The following SHTN1 variants were observed in gnomAD, a reference collection of about 807,000 sequenced individuals.
SHTN1 encodes shootin-1.
SHTN1 carries 42 observed loss-of-function variants against 83.1 expected under a neutral mutation model. The ratio of observed to expected loss-of-function variants is 0.51; its 90% CI spans 0.39 to 0.65. The LOEUF (loss-of-function observed/expected upper bound fraction) is 0.65. SHTN1 is among the 30% of genes least tolerant of loss of function. The pLI is 0.00. For missense variants in SHTN1, 622 were observed against 737.8 expected, an observed-to-expected ratio of 0.84 and a Z score of 1.82; for synonymous variants, 224 against 247.7, an observed-to-expected ratio of 0.90 and a Z score of 0.90.
chr10:116,926,377 T>C (rs1589813073), intron 11 of SHTN1, among the ~76,000 whole-genome samples: 1 of 152,312 alleles, frequency 6.6e-6, no homozygotes, highest in South Asian at 2.1e-4. Flanking sequence ...TTTCCAATTT[T>C]AAATGTCAAA....
In SHTN1 at chr10:117,074,310, G is replaced by A. The variant is rs575388456; in HGVS notation, c.-188-25800C>T. The stretch of plus-strand genomic sequence containing the variant: ...GTGACAGGGTGCACTCCTTGGAAAC[G>A]TTTCATGTTTAATAACAAATTCATA... On this transcript the variant is annotated intron_variant, in intron 1 of 17. Transcript: ENST00000392901. Among the ~76,000 whole-genome samples, 7 of 152,154 alleles carry A rather than the reference G, an allele frequency of 4.6e-5. No individual in the cohort carries two copies. The East Asian group carries it at 1.2e-3, about 25-fold the overall frequency.
intron 11 of SHTN1, among the ~76,000 whole-genome samples, chr10:116,926,610 T>C (rs913752802): frequency 6.6e-6 from 1 of 152,068 alleles, no homozygotes; most frequent in Non-Finnish European, 1.5e-5. Context: ...GGGAGGAACA[T>C]GCTACGCATT....
At chr10:117,005,558 G>C (rs1426743647), upstream of SHTN1, 1 of 1,000,758 alleles carries the variant, frequency 1.0e-6, no homozygotes, top group African/African-American at 1.7e-5. Context: ...AAGAACCACA[G>C]AGGTAGAGCG....
chr10:116,980,955 A>C (rs1850993061), intron 1 of SHTN1, among the ~76,000 whole-genome samples: 1 of 152,254 alleles, frequency 6.6e-6, no homozygotes, highest in South Asian at 2.1e-4. Flanking sequence ...GCCACATCCC[A>C]AAATAATCCT....
chr10:116,923,296 A>C (rs907002277), intron 11 of SHTN1, among the ~76,000 whole-genome samples: 1 of 152,220 alleles, frequency 6.6e-6, no homozygotes, highest in African/African-American at 2.4e-5. Flanking sequence ...GCTTGTGTAC[A>C]TATCTGCATA....
At chr10:117,122,565 T>C (rs1177033921) in intron 1 of SHTN1, among the ~76,000 whole-genome samples, 1 of 152,236 alleles carries the variant, frequency 6.6e-6, no homozygotes, top group Non-Finnish European at 1.5e-5. Context: ...ATCAGGGAAA[T>C]GCAAAGCAAA....
chr10:116,896,778 T>A (rs538779062), intron 16 of SHTN1, among the ~76,000 whole-genome samples: 1 of 151,880 alleles, frequency 6.6e-6, no homozygotes, highest in East Asian at 1.9e-4. Flanking sequence ...GACTGCCCAA[T>A]TTATTTTCTC....
chr10:116,887,447 T>C (rs763927300), intron 16 of SHTN1, among the ~76,000 whole-genome samples: 16 of 152,082 alleles, frequency 1.1e-4, no homozygotes, highest in Non-Finnish European at 2.4e-4. Context: ...AATGCTAGGA[T>C]CAGGCCTTTT....
upstream of SHTN1, among the ~76,000 whole-genome samples, chr10:117,007,536 C>T (rs113110509): frequency 2.5e-4 from 28 of 111,500 alleles, no homozygotes; most frequent in Middle Eastern, 0.012. Context: ...GCCTGGGTGA[C>T]AGAGTGAGAC....
intron 1 of SHTN1, among the ~76,000 whole-genome samples, chr10:116,985,595 T>C (rs957665841): frequency 2.0e-5 from 3 of 152,134 alleles, no homozygotes; most frequent in Non-Finnish European, 2.9e-5. Flanking sequence ...AAAGAGAACA[T>C]ACTCTCCTCC....
intron 1 of SHTN1, among the ~76,000 whole-genome samples, chr10:117,093,462 C>T (rs1199168300): frequency 6.6e-6 from 1 of 152,096 alleles, no homozygotes; most frequent in Admixed American, 6.6e-5. Context: ...GGAGGATAAG[C>T]CGAGATCATG....
At chr10:116,936,573 G>A (rs1849172060) in intron 9 of SHTN1, among the ~76,000 whole-genome samples, 1 of 152,148 alleles carries the variant, frequency 6.6e-6, no homozygotes, top group African/African-American at 2.4e-5. Flanking sequence ...GCCAAGGAGT[G>A]TTTTACATCC....
At chr10:117,090,612 A>G (rs1438563255) in intron 1 of SHTN1, among the ~76,000 whole-genome samples, 1 of 152,214 alleles carries the variant, frequency 6.6e-6, no homozygotes, top group African/African-American at 2.4e-5. Context: ...GGTGGGCTCA[A>G]ATAAAAGTTA....
chr10:116,902,596 T>A (rs1847789171), intron 15 of SHTN1, among the ~76,000 whole-genome samples: 1 of 152,226 alleles, frequency 6.6e-6, no homozygotes, highest in Admixed American at 6.5e-5. Flanking sequence ...ACTGGAATTA[T>A]TGGCATATCA....
chr10:116,888,784 C>T (rs1000592194), intron 16 of SHTN1, among the ~76,000 whole-genome samples: 2 of 152,146 alleles, frequency 1.3e-5, no homozygotes, highest in Non-Finnish European at 2.9e-5. Context: ...ACGGACCTTC[C>T]GAGGGTTAAA....
chr10:117,021,006 A>G (rs1750463608), intron 2 of SHTN1, among the ~76,000 whole-genome samples: 1 of 152,210 alleles, frequency 6.6e-6, no homozygotes, highest in Admixed American at 6.5e-5. Context: ...AAGGTTCACA[A>G]AGGAAGATAT....
chr10:116,906,788 TAATAC>T (rs1847986619), intron 14 of SHTN1, 41 bp from the exon 15 acceptor site: 2 of 1,496,294 alleles, frequency 1.3e-6, no homozygotes, highest in African/African-American at 1.4e-5. Flanking sequence ...GTTAATGTCT[TAATAC>T]AATATACAAA....
chr10:116,988,537 A>T (rs1274575428), intron 1 of SHTN1, among the ~76,000 whole-genome samples: 1 of 144,836 alleles, frequency 6.9e-6, no homozygotes, highest in Non-Finnish European at 1.5e-5. Flanking sequence ...CTTATATATT[A>T]TTTATTTATT....
At chr10:117,056,703 C>T (rs1294340831) in intron 1 of SHTN1, among the ~76,000 whole-genome samples, 1 of 152,068 alleles carries the variant, frequency 6.6e-6, no homozygotes, top group Admixed American at 6.6e-5. Context: ...CCCAGCTACT[C>T]ATGAGGCTGA....
Sources: allele counts gnomAD v4.1 joint callset (sites outside exome capture counted in the v4.1 genomes callset), GRCh38; gene constraint gnomAD v4.1.1; transcripts MANE v1.5; gene names NCBI Gene and HGNC (gene_info 2026-07-23, HGNC 2026-07-21).